ADCY8: variants seen among roughly 807,000 people sequenced by gnomAD.
ADCY8 encodes adenylate cyclase type 8.
ADCY8 carries 51 observed loss-of-function variants against 119.7 expected under a neutral mutation model. That is an observed-to-expected ratio of 0.43 (90% CI 0.34 to 0.54). The LOEUF is 0.54. ADCY8 is among the 20% of genes least tolerant of loss of function. The probability of loss-of-function intolerance (pLI) is 0.03; values close to 1 mark genes in which losing one functional copy is unlikely to be tolerated. For missense variants in ADCY8, 1,383 were observed against 1,598.8 expected (o/e 0.87, Z 2.30); for synonymous variants, 665 against 651.0 (o/e 1.02, Z -0.33).
chr8:130,804,585 C>T, intron 14 of ADCY8, among the ~76,000 whole-genome samples: 1 of 152,198 alleles, frequency 6.6e-6, no homozygotes, highest in East Asian at 1.9e-4. Flanking sequence ...ATCCTACCCT[C>T]TAAAATTCAT....
Position 130,780,513 on chromosome 8 carries a change from T to C in ADCY8, c.3633A>G (p.Leu1211=), listed in dbSNP as rs1391841291. Residue 1211 remains leucine, a synonymous_variant, in exon 18 of 18, where the codon CTA becomes CTG. Coordinates refer to ENST00000286355, the MANE Select transcript of ADCY8 (RefSeq NM_001115.3). ...TTCCTGTGTTGTTGTTCTCATTGAGTAGCTGCTTCTGCCTTTGCCTATTGA... is the reference window on the plus strand; with the variant it reads ...TTCCTGTGTTGTTGTTCTCATTGAGCAGCTGCTTCTGCCTTTGCCTATTGA... The part of the protein sequence containing the change: ...QSLNRQRQKQ[L]LNENNNTGII... 18 of 1,614,116 alleles carry C rather than the reference T, an allele frequency of 1.1e-5. No homozygotes were observed. The African/African-American group carries it at 2.1e-4, about 19-fold the overall frequency.
chr8:131,029,044 A>G (rs894804472), intron 1 of ADCY8, among the ~76,000 whole-genome samples: 1 of 152,208 alleles, frequency 6.6e-6, no homozygotes, highest in Admixed American at 6.5e-5. Context: ...ATCTGTATTT[A>G]CAGCCACTCC....
intron 17 of ADCY8, among the ~76,000 whole-genome samples, 176 bp downstream of exon 17, chr8:130,783,515 T>G (rs1386165258): frequency 6.6e-6 from 1 of 152,204 alleles, no homozygotes; most frequent in Non-Finnish European, 1.5e-5. Context: ...GCATCTTGAC[T>G]GAGAGGAAAC....
intron 15 of ADCY8, among the ~76,000 whole-genome samples, chr8:130,798,922 C>T (rs1815676521): frequency 6.6e-6 from 1 of 152,086 alleles, no homozygotes; most frequent in Non-Finnish European, 1.5e-5. Flanking sequence ...CACACATACA[C>T]ATATACACAC....
chr8:130,852,556 C>A (rs1011113931), intron 9 of ADCY8, among the ~76,000 whole-genome samples: 2 of 152,066 alleles, frequency 1.3e-5, no homozygotes, highest in African/African-American at 4.8e-5. Flanking sequence ...CATGAGGAAA[C>A]CAACGAGTAT....
At chr8:130,915,258 T>C (rs1162752372) in intron 5 of ADCY8, among the ~76,000 whole-genome samples, 2 of 152,240 alleles carry the variant, frequency 1.3e-5, no homozygotes, top group Non-Finnish European at 2.9e-5. Flanking sequence ...GTTATAATTA[T>C]AAGGTAAAAA....
intron 12 of ADCY8, among the ~76,000 whole-genome samples, chr8:130,824,483 A>C (rs141703238): frequency 6.6e-6 from 1 of 152,336 alleles, no homozygotes; most frequent in African/African-American, 2.4e-5. Context: ...GTACCTACTT[A>C]TAATTGCTTG....
At chr8:130,958,179 C>T (rs1821489748) in intron 2 of ADCY8, among the ~76,000 whole-genome samples, 1 of 152,278 alleles carries the variant, frequency 6.6e-6, no homozygotes, top group Admixed American at 6.5e-5. Flanking sequence ...CCAGGACATA[C>T]CCCAACGCCC....
chr8:130,885,684 G>C (rs1818956845), intron 7 of ADCY8, among the ~76,000 whole-genome samples: 1 of 152,032 alleles, frequency 6.6e-6, no homozygotes, highest in Admixed American at 6.6e-5. Flanking sequence ...GTGTGAGTTG[G>C]ACCTGAAGGG....
intron 2 of ADCY8, among the ~76,000 whole-genome samples, 176 bp from the exon 3 acceptor site, chr8:130,952,174 C>T (rs1450274871): frequency 6.6e-6 from 1 of 152,184 alleles, no homozygotes; most frequent in Non-Finnish European, 1.5e-5. Context: ...GCCAGGCACT[C>T]TGCTGGTGTT....
intron 15 of ADCY8, among the ~76,000 whole-genome samples, chr8:130,793,998 C>G (rs1815501879): frequency 6.6e-6 from 1 of 152,032 alleles, no homozygotes; most frequent in Non-Finnish European, 1.5e-5. Flanking sequence ...GCCTTAAATC[C>G]ATTATGGCTG....
intron 5 of ADCY8, among the ~76,000 whole-genome samples, chr8:130,925,159 C>T (rs1241305485): frequency 1.3e-5 from 2 of 152,122 alleles, no homozygotes; most frequent in Non-Finnish European, 2.9e-5. Flanking sequence ...GAGCCAAGAT[C>T]GCGCCACTGC....
chr8:131,015,888 T>C (rs1425445849), intron 1 of ADCY8, among the ~76,000 whole-genome samples: 2 of 152,190 alleles, frequency 1.3e-5, no homozygotes, highest in South Asian at 2.1e-4. Flanking sequence ...ACTCTATTTT[T>C]AATCCTAACA....
rs200246679 is a variant in ADCY8 at position 130,780,885 on chromosome 8, G to A, written c.3269-8C>T. ...CTGAGCCGTGGCTGATGCCTGGGGG[G>A]TGAAGCAAAGGAGCAAGAAGTCAGA... is the stretch of plus-strand genomic sequence containing the variant. On this transcript the variant is annotated splice_region_variant and splice_polypyrimidine_tract_variant and intron_variant, in intron 17 of 17. Coordinates refer to ENST00000286355, the MANE Select transcript of ADCY8 (RefSeq NM_001115.3). 1.9e-6 allele frequency: 3 copies of A among 1,611,868 alleles called. No individual in the cohort carries two copies. The highest frequency in any genetic ancestry group is 1.3e-5 in the African/African-American group (1 of 75,000).
intron 9 of ADCY8, among the ~76,000 whole-genome samples, chr8:130,857,137 T>C (rs1817766284): frequency 6.6e-6 from 1 of 151,510 alleles, no homozygotes; most frequent in Non-Finnish European, 1.5e-5. Flanking sequence ...ATATACCTAA[T>C]GCTAAATGAC....
intron 9 of ADCY8, among the ~76,000 whole-genome samples, chr8:130,852,447 C>A (rs766996771): frequency 6.6e-6 from 1 of 152,078 alleles, no homozygotes; most frequent in Middle Eastern, 3.2e-3. Context: ...TATTTCTGGG[C>A]ACCAGGGGGA....
rs1280881446 is a variant in ADCY8, at chr8:130,897,070, A to G, written c.1911+6702T>C. On this transcript the variant is annotated intron_variant, in intron 7 of 17. Coordinates refer to ENST00000286355, the MANE Select transcript of ADCY8 (RefSeq NM_001115.3). ...TAGCAACTGGACAAATCTGACTCCA[A>G]CTCAGTTCTGCTTAGTTTCTATTCA... Among the ~76,000 whole-genome samples the G allele has an allele frequency of 2.0e-5, 3 of 151,922 alleles. No individual in the cohort carries two copies. The East Asian group carries it at 5.8e-4, about 29-fold the overall frequency.
At chr8:130,798,691 T>A (rs1408446152) in intron 15 of ADCY8, among the ~76,000 whole-genome samples, 1 of 152,162 alleles carries the variant, frequency 6.6e-6, no homozygotes, top group Non-Finnish European at 1.5e-5. Context: ...TGACTGCAGT[T>A]GTCTAGGAGA....
chr8:130,815,767 C>T (rs263268), intron 13 of ADCY8, among the ~76,000 whole-genome samples: 2 of 152,098 alleles, frequency 1.3e-5, no homozygotes, highest in African/African-American at 2.4e-5. Flanking sequence ...TAACCCTGGA[C>T]AAGTTACTTC....
Sources: allele counts gnomAD v4.1 joint callset (sites outside exome capture counted in the v4.1 genomes callset), GRCh38; gene constraint gnomAD v4.1.1; transcripts MANE v1.5; gene names NCBI Gene and HGNC (gene_info 2026-07-23, HGNC 2026-07-21).